Variants in NFILZ observed in about 807,000 individuals in gnomAD.
The protein encoded by NFILZ is NFIL3 like basic leucine zipper, also known as NFIL3 like protein.
intron 3 of NFILZ, among the ~76,000 whole-genome samples, chr19:8,667,429 G>C (rs1166630348): frequency 1.3e-5 from 2 of 152,266 alleles, no homozygotes; most frequent in South Asian, 2.1e-4. Flanking sequence ...TGATATCTGG[G>C]GGGGATTGGT....
chr19:8,658,505 T>C (rs529882605), intron 3 of NFILZ, among the ~76,000 whole-genome samples: 1 of 152,068 alleles, frequency 6.6e-6, no homozygotes, highest in Non-Finnish European at 1.5e-5. Flanking sequence ...TTTAGAACCA[T>C]TGTCCTAAAG....
intron 3 of NFILZ, among the ~76,000 whole-genome samples, chr19:8,667,867 C>T (rs1234032286): frequency 6.6e-6 from 1 of 152,120 alleles, no homozygotes; most frequent in Non-Finnish European, 1.5e-5. Context: ...TTTAAATCAT[C>T]TCTACATTAC....
intron 3 of NFILZ, among the ~76,000 whole-genome samples, chr19:8,664,685 C>A (rs2043053854): frequency 6.6e-6 from 1 of 152,084 alleles, no homozygotes; most frequent in South Asian, 2.1e-4. Flanking sequence ...TTCCGAGAAA[C>A]CTGGGCTGGG....
Position 8,678,191 on chromosome 19 carries a change from GTCCATCTA to G in NFILZ, c.*563_*570del, listed in dbSNP as rs1568426482. On this transcript the variant is annotated 3_prime_UTR_variant, in exon 6 of 6. Transcript: ENST00000691075. ...CATCCATCCATCCATCCATCCATCC[GTCCATCTA>G]TCCATCCATCCATTCATCCATCCGT... Among the ~76,000 whole-genome samples, 1 of 15,228 alleles carries G rather than the reference GTCCATCTA, an allele frequency of 6.6e-5. No individual in the cohort carries two copies. The highest frequency in any genetic ancestry group is 2.6e-4 in the African/African-American group (1 of 3,892). 10.0% of individuals were successfully genotyped at this position (15,228 alleles called of 152,430 possible).
rs1453973086 is a variant in NFILZ at position 8,663,736 on chromosome 19, G to GCATGTGTGTGTGTGTGTATGTGTGTGTA, written c.-163-10815_-163-10814insCATGTGTGTGTGTGTGTATGTGTGTGTA. On this transcript the variant is annotated intron_variant, in intron 3 of 5. Coordinates refer to ENST00000691075, the MANE Select transcript of NFILZ (RefSeq NM_001378600.1). ...TGTGTGTGTGTTTGTGTGTGTGTGT[G>GCATGTGTGTGTGTGTGTATGTGTGTGTA]TGTGTGTGTGTGTGTGTGTGTGTGT... is the stretch of plus-strand genomic sequence containing the variant. 6.5e-4 allele frequency among the ~76,000 whole-genome samples: 89 copies of GCATGTGTGTGTGTGTGTATGTGTGTGTA among 136,142 alleles called. 2 individuals are homozygous for GCATGTGTGTGTGTGTGTATGTGTGTGTA. Among genetic ancestry groups the GCATGTGTGTGTGTGTGTATGTGTGTGTA allele is most frequent in the Admixed American group, 5.4e-3 (72 of 13,312 alleles). 89.3% of individuals were successfully genotyped at this position (136,142 alleles called of 152,430 possible). A position where few individuals can be genotyped will look rare whatever the true frequency, so the allele number is the denominator to read the frequency against.
At chr19:8,660,434 A>T (rs1167463201) in intron 3 of NFILZ, among the ~76,000 whole-genome samples, 1 of 151,978 alleles carries the variant, frequency 6.6e-6, no homozygotes, top group Non-Finnish European at 1.5e-5. Flanking sequence ...ATCGGTAATG[A>T]TAAAGTAAGG....
intron 3 of NFILZ, among the ~76,000 whole-genome samples, chr19:8,662,283 G>A (rs1263511056): frequency 1.3e-5 from 2 of 152,006 alleles, no homozygotes; most frequent in East Asian, 1.9e-4. Context: ...GAGAAAGTGA[G>A]TGTGTAAGTG....
At chr19:8,656,289 C>T (rs1265020267) in intron 3 of NFILZ, among the ~76,000 whole-genome samples, 1 of 33,002 alleles carries the variant, frequency 3.0e-5, no homozygotes, top group East Asian at 9.7e-4. Context: ...CTTCTCCCCA[C>T]AGCCCACCTC....
At chr19:8,649,297 G>A (rs1600143847) in intron 3 of NFILZ, among the ~76,000 whole-genome samples, 2 of 150,702 alleles carry the variant, frequency 1.3e-5, no homozygotes, top group Non-Finnish European at 2.9e-5. Context: ...ACAAAGTCTC[G>A]CTCTGTTGCC....
At chr19:8,644,434 T>A (rs1388895618) in intron 3 of NFILZ, among the ~76,000 whole-genome samples, 15 of 152,022 alleles carry the variant, frequency 9.9e-5, no homozygotes, top group Admixed American at 9.8e-4. Flanking sequence ...TTCAACTCAT[T>A]TCCAGCGGAG....
rs1007961803 is a variant in NFILZ at position 8,680,661 on chromosome 19, C to G, written c.*3026C>G. 6.6e-6 allele frequency among the ~76,000 whole-genome samples: 1 copy of G among 151,908 alleles called. No homozygotes were observed. Among genetic ancestry groups the G allele is most frequent in the African/African-American group, 2.4e-5 (1 of 41,326 alleles). On this transcript the variant is annotated 3_prime_UTR_variant, in exon 6 of 6. Transcript: ENST00000691075. Reference sequence around the variant, plus strand: ...ACATATAGTAGGATCAATGATGATACGTGTCATGGAGAAAAAAGGGAGGCT... The same window carrying G: ...ACATATAGTAGGATCAATGATGATAGGTGTCATGGAGAAAAAAGGGAGGCT...
At chr19:8,647,807 A>G (rs1366809768) in intron 3 of NFILZ, among the ~76,000 whole-genome samples, 5 of 136,488 alleles carry the variant, frequency 3.7e-5, no homozygotes, top group African/African-American at 1.2e-4. Flanking sequence ...ACACACACAC[A>G]CACACACACA....
Position 8,681,135 on chromosome 19 carries a change from C to A in NFILZ, c.*3500C>A, listed in dbSNP as rs1276425503. ...ATGTGTGAGGCTGAGTGAAAATAAA[C>A]CCACCACATAAGTGCAGGAGAGCTG... On this transcript the variant is annotated 3_prime_UTR_variant, in exon 6 of 6. Transcript: ENST00000691075. Among the ~76,000 whole-genome samples, 1 of 152,132 alleles carries A rather than the reference C, an allele frequency of 6.6e-6. No individual in the cohort carries two copies. The highest frequency in any genetic ancestry group is 2.4e-5 in the African/African-American group (1 of 41,420).
chr19:8,646,850 G>A (rs1203223357), intron 3 of NFILZ, among the ~76,000 whole-genome samples: 1 of 152,126 alleles, frequency 6.6e-6, no homozygotes. Flanking sequence ...CCTCAGAGAA[G>A]TGACCCCTCA....
At chr19:8,631,494 T>A (rs1555745506) in intron 1 of NFILZ, among the ~76,000 whole-genome samples, 1 of 152,044 alleles carries the variant, frequency 6.6e-6, no homozygotes, top group Non-Finnish European at 1.5e-5. Context: ...GAGGCAGGCG[T>A]GTCTTCTGGG....
At position 8,680,793 on chromosome 19, in the gene NFILZ, G is replaced by C. The variant is rs1035637967; in HGVS notation, c.*3158G>C. On this transcript the variant is annotated 3_prime_UTR_variant, in exon 6 of 6. Coordinates refer to ENST00000691075, the MANE Select transcript of NFILZ (RefSeq NM_001378600.1). ...GAAAGTGACATTTGAACAGAGACTT[G>C]AGAGAGATGAAGGGGGGAGTCATGC... is the stretch of plus-strand genomic sequence containing the variant. Among the ~76,000 whole-genome samples, 5 of 152,132 alleles carry C rather than the reference G, an allele frequency of 3.3e-5. No individual in the cohort carries two copies. Among genetic ancestry groups the C allele is most frequent in the Non-Finnish European group, 7.4e-5 (5 of 68,024 alleles).
chr19:8,638,023 A>G (rs932265973), intron 3 of NFILZ, among the ~76,000 whole-genome samples: 2 of 151,810 alleles, frequency 1.3e-5, no homozygotes, highest in Non-Finnish European at 2.9e-5. Flanking sequence ...CCTTTCCCCA[A>G]CACAGGTTAG....
intron 3 of NFILZ, among the ~76,000 whole-genome samples, chr19:8,647,788 C>CACACAT (rs2042946861): frequency 9.3e-6 from 1 of 107,038 alleles, no homozygotes; most frequent in Admixed American, 9.5e-5. Flanking sequence ...TGCGCGCGCG[C>CACACAT]GCGCGCGCAC....
intron 3 of NFILZ, among the ~76,000 whole-genome samples, chr19:8,652,773 CCTTT>C (rs1314586175): frequency 5.3e-5 from 8 of 151,546 alleles, no homozygotes; most frequent in Admixed American, 6.6e-5. Context: ...TTCTTTTTTT[CCTTT>C]CTTTCTTTTC....
Sources: gnomAD v4.1 joint callset for allele counts (sites outside exome capture counted in the v4.1 genomes callset) on GRCh38, gnomAD v4.1.1 for gene constraint, MANE v1.5 for transcripts, NCBI Gene and HGNC (gene_info 2026-07-23, HGNC 2026-07-21) for gene names.